CDC14A: variants seen among roughly 807,000 people sequenced by gnomAD.
CDC14A encodes dual specificity protein phosphatase CDC14A.
In CDC14A, 53 loss-of-function variants were observed where a neutral mutation model predicts 74.4. The observed-to-expected ratio is 0.71, with a 90% confidence interval of 0.57 to 0.89. CDC14A has a LOEUF of 0.89. CDC14A is among the 40% of genes least tolerant of loss of function. The pLI is 0.00. For synonymous variants in CDC14A, 247 were observed against 258.4 expected (o/e 0.96, Z 0.43); for missense variants, 646 against 713.7 (o/e 0.91, Z 1.08).
At chr1:100,437,706 G>C (rs1403428275) in intron 5 of CDC14A, among the ~76,000 whole-genome samples, 1 of 152,056 alleles carries the variant, frequency 6.6e-6, no homozygotes, top group East Asian at 1.9e-4. Context: ...GGCTGTGATG[G>C]GGTAGGAGGT....
intron 2 of CDC14A, among the ~76,000 whole-genome samples, chr1:100,363,976 A>G (rs537334512): frequency 6.6e-6 from 1 of 152,256 alleles, no homozygotes; most frequent in Admixed American, 6.5e-5. Flanking sequence ...CAAAAAATAC[A>G]AAAATTAGCC....
At chr1:100,412,737 AT>A (rs1304388433) in intron 4 of CDC14A, among the ~76,000 whole-genome samples, 40 of 100,674 alleles carry the variant, frequency 4.0e-4, no homozygotes, top group African/African-American at 1.2e-3. Flanking sequence ...ATATATATAT[AT>A]TTTATATATA....
At chr1:100,419,701 A>G (rs770592406) in intron 4 of CDC14A, among the ~76,000 whole-genome samples, 1 of 152,156 alleles carries the variant, frequency 6.6e-6, no homozygotes, top group African/African-American at 2.4e-5. Flanking sequence ...CTTTAAGACT[A>G]TTTTAAAGTT....
At position 100,494,806 on chromosome 1, in the gene CDC14A, A is replaced by G. The variant is rs766321663; in HGVS notation, c.1138-12A>G. 4 of 1,544,324 alleles carry G rather than the reference A, an allele frequency of 2.6e-6. No homozygotes were observed. The South Asian group carries it at 3.4e-5, about 13-fold the overall frequency. Reference sequence around the variant, plus strand: ...ATTTTGACCTTTCTATGGAACGTGTATTTTTTTCCAGGATAACTTAGAAGA... The same window carrying G: ...ATTTTGACCTTTCTATGGAACGTGTGTTTTTTTCCAGGATAACTTAGAAGA... On this transcript the variant is annotated splice_polypyrimidine_tract_variant and intron_variant, in intron 11 of 15. Coordinates refer to ENST00000336454, the MANE Select transcript of CDC14A (RefSeq NM_003672.4).
At chr1:100,475,660 G>A (rs1017434962) in intron 10 of CDC14A, among the ~76,000 whole-genome samples, 5 of 152,152 alleles carry the variant, frequency 3.3e-5, no homozygotes, top group African/African-American at 1.2e-4. Context: ...GCTTCTTGTT[G>A]CTGGTGGGTG....
intron 15 of CDC14A, among the ~76,000 whole-genome samples, chr1:100,505,416 G>A (rs977282041): frequency 3.3e-5 from 5 of 152,308 alleles, no homozygotes; most frequent in East Asian, 1.9e-4. Context: ...GGCAGAATAC[G>A]TATGTGTTTT....
At chr1:100,491,564 A>T (rs1291637235) in intron 11 of CDC14A, among the ~76,000 whole-genome samples, 1 of 80,860 alleles carries the variant, frequency 1.2e-5, no homozygotes, top group Non-Finnish European at 2.3e-5. Context: ...ATATATATAT[A>T]TATATATATT....
intron 2 of CDC14A, among the ~76,000 whole-genome samples, chr1:100,361,637 C>A (rs545835666): frequency 1.2e-4 from 19 of 152,198 alleles, no homozygotes. Flanking sequence ...CAGGCAGAGT[C>A]CTGAGAAAAG....
chr1:100,391,808 A>G (rs1657745165), intron 4 of CDC14A, among the ~76,000 whole-genome samples: 1 of 152,244 alleles, frequency 6.6e-6, no homozygotes, highest in East Asian at 1.9e-4. Context: ...CAGGCTGAGA[A>G]GAGTGGCAGA....
chr1:100,485,061 C>G lies in CDC14A; in HGVS notation c.1137+610C>G, dbSNP rs7534765. ...TGGTTCAATCCATGTCTGTCTGAGTCCAAGCTTGTGTTTTTTTATATCACA... is the reference window on the plus strand; with the variant it reads ...TGGTTCAATCCATGTCTGTCTGAGTGCAAGCTTGTGTTTTTTTATATCACA... On this transcript the variant is annotated intron_variant, in intron 11 of 15. Transcript: ENST00000336454. 4.4e-3 allele frequency: 4,299 copies of G among 985,264 alleles called. 137 individuals carry two copies. In the African/African-American group the frequency reaches 0.068, roughly 16 times the overall value. The allele number at this position is 985,264 out of a possible 1,614,324, so 61.0% of individuals were successfully genotyped here. A position where few individuals can be genotyped will look rare whatever the true frequency, so the allele number is the denominator to read the frequency against.
rs1325626561 is a variant in CDC14A at position 100,412,711 on chromosome 1, TA to T, written c.310-11510del. On this transcript the variant is annotated intron_variant, in intron 4 of 15. Coordinates refer to ENST00000336454, the MANE Select transcript of CDC14A (RefSeq NM_003672.4). ...CCTGTATGTTTTATATATATATATA[TA>T]TATATATATATTTTATATATATATA... Among the ~76,000 whole-genome samples, 65 of 98,078 alleles carry T rather than the reference TA, an allele frequency of 6.6e-4. 4 individuals carry two copies. Among genetic ancestry groups the T allele is most frequent in the Non-Finnish European group, 1.1e-3 (60 of 54,958 alleles). The allele number at this position is 98,078 out of a possible 152,430, so 64.3% of individuals were successfully genotyped here. A position where few individuals can be genotyped will look rare whatever the true frequency, so the allele number is the denominator to read the frequency against.
intron 5 of CDC14A, among the ~76,000 whole-genome samples, chr1:100,430,794 G>A (rs953893731): frequency 2.0e-5 from 3 of 152,094 alleles, no homozygotes; most frequent in African/African-American, 4.8e-5. Context: ...TCTCCTTACC[G>A]TGCTTTCCTC....
chr1:100,353,025 T>C (rs1189301155), intron 1 of CDC14A, 22 bp downstream of exon 1: 1 of 1,613,134 alleles, frequency 6.2e-7, no homozygotes, highest in Non-Finnish European at 8.5e-7. Flanking sequence ...CCGCCCCGCA[T>C]CTTCCAACGC....
chr1:100,357,665 G>A (rs557475731), intron 2 of CDC14A, among the ~76,000 whole-genome samples: 1 of 151,640 alleles, frequency 6.6e-6, no homozygotes, highest in East Asian at 1.9e-4. Flanking sequence ...TGAGGCTGAG[G>A]CGACAGGATT....
At chr1:100,389,218 G>A (rs1024070680) in intron 3 of CDC14A, among the ~76,000 whole-genome samples, 34 of 149,974 alleles carry the variant, frequency 2.3e-4, no homozygotes, top group African/African-American at 6.1e-4. Flanking sequence ...AAGATAAAAG[G>A]GTACAGCCAT....
At chr1:100,406,769 A>C (rs1046869819) in intron 4 of CDC14A, among the ~76,000 whole-genome samples, 7 of 151,630 alleles carry the variant, frequency 4.6e-5, no homozygotes, top group Non-Finnish European at 1.0e-4. Flanking sequence ...CTAAAAATAC[A>C]AAAAAAATTA....
chr1:100,448,806 A>G (rs1458037965), intron 7 of CDC14A, among the ~76,000 whole-genome samples: 2 of 152,114 alleles, frequency 1.3e-5, no homozygotes, highest in Non-Finnish European at 2.9e-5. Context: ...TGCTCCATAT[A>G]TTTGCTAGGC....
At chr1:100,410,967 C>T (rs973577572) in intron 4 of CDC14A, among the ~76,000 whole-genome samples, 5 of 152,150 alleles carry the variant, frequency 3.3e-5, no homozygotes, top group African/African-American at 9.7e-5. Context: ...TCTAGCAATG[C>T]GGAGAATAAT....
In CDC14A at chr1:100,426,266, C is replaced by T. The variant is rs1289659008; in HGVS notation, c.389+1965C>T. On this transcript the variant is annotated intron_variant, in intron 5 of 15. Coordinates refer to ENST00000336454, the MANE Select transcript of CDC14A (RefSeq NM_003672.4). The stretch of plus-strand genomic sequence containing the variant: ...TAGCTGGAATTGGAGGCCCCCACCA[C>T]CATGCCTGGCTAATTTTTGTATTTT... 1.4e-4 allele frequency among the ~76,000 whole-genome samples: 22 copies of T among 152,118 alleles called. 1 individual carries two copies. Among genetic ancestry groups the T allele is most frequent in the Non-Finnish European group, 2.9e-5 (2 of 68,024 alleles).
Sources: gnomAD v4.1 joint callset for allele counts (sites outside exome capture counted in the v4.1 genomes callset) on GRCh38, gnomAD v4.1.1 for gene constraint, MANE v1.5 for transcripts, NCBI Gene and HGNC (gene_info 2026-07-23, HGNC 2026-07-21) for gene names.